The following AKAP13 variants were observed in gnomAD, a reference collection of about 807,000 sequenced individuals.
The protein encoded by AKAP13 is A-kinase anchor protein 13.
In AKAP13, 80 loss-of-function variants were observed where a neutral mutation model predicts 264.5. That is an observed-to-expected ratio of 0.30 (90% CI 0.25 to 0.36). The LOEUF (loss-of-function observed/expected upper bound fraction) is 0.36, where lower values mean the gene tolerates loss of function less well. Ranked by LOEUF, AKAP13 falls within the 10% of genes least tolerant of loss-of-function variation. The pLI, the probability that AKAP13 is intolerant of heterozygous loss-of-function variation, is 1.00. For synonymous variants in AKAP13, 1,380 were observed against 1,250.2 expected, an observed-to-expected ratio of 1.10 and a Z score of -2.19; for missense variants, 3,712 against 3,435.2, an observed-to-expected ratio of 1.08 and a Z score of -2.01.
At chr15:85,525,058 A>ATTTT (rs11419433) in intron 3 of AKAP13, among the ~76,000 whole-genome samples, 52 of 129,486 alleles carry the variant, frequency 4.0e-4, no homozygotes, top group African/African-American at 1.0e-3. Context: ...CTATCTTTAA[A>ATTTT]TTTTTTTTTT....
intron 5 of AKAP13, among the ~76,000 whole-genome samples, chr15:85,555,994 G>A (rs144510291): frequency 2.6e-5 from 4 of 152,330 alleles, no homozygotes; most frequent in African/African-American, 9.6e-5. Context: ...CAGACATCCA[G>A]TTAGTATAAT....
chr15:85,585,644 A>G (rs2079309221), intron 7 of AKAP13, 58 bp from the exon 8 acceptor site: 1 of 1,608,244 alleles, frequency 6.2e-7, no homozygotes, highest in Admixed American at 1.7e-5. Context: ...TTGTATGAAT[A>G]GTAAGGCACA....
chr15:85,550,498 A>C (rs1222077584), intron 5 of AKAP13, among the ~76,000 whole-genome samples: 1 of 152,008 alleles, frequency 6.6e-6, no homozygotes, highest in Admixed American at 6.5e-5. Flanking sequence ...GTGTAGGGTT[A>C]GGTGGTGGAG....
chr15:85,425,715 C>CAAA (rs35591622), intron 1 of AKAP13, among the ~76,000 whole-genome samples: 2 of 92,694 alleles, frequency 2.2e-5, no homozygotes, highest in Non-Finnish European at 2.1e-5. Flanking sequence ...GACTCTGTCT[C>CAAA]AAAAAAAAAA....
intron 33 of AKAP13, 70 bp from the exon 34 acceptor site, chr15:85,740,152 A>T: frequency 7.9e-6 from 12 of 1,510,396 alleles, no homozygotes; most frequent in Middle Eastern, 1.7e-4. Context: ...TATCAGGTAA[A>T]CATTAGTGTG....
rs767364233 is a variant in AKAP13, at chr15:85,726,492, C to T, written c.6822+6C>T. On this transcript the variant is annotated splice_donor_region_variant and intron_variant, in intron 27 of 36. Transcript: ENST00000394518. Reference sequence around the variant, plus strand: ...AGTACATCTTTGCATCATTGGTAAGCTGAATTGTTATTTTTGTAATAGTAT... The same window carrying T: ...AGTACATCTTTGCATCATTGGTAAGTTGAATTGTTATTTTTGTAATAGTAT... 2.0e-5 allele frequency: 32 copies of T among 1,606,116 alleles called. No homozygotes were observed. The Middle Eastern group carries it at 5.0e-4, about 25-fold the overall frequency.
At chr15:85,393,667 T>TA (rs1217993723) in intron 1 of AKAP13, among the ~76,000 whole-genome samples, 5 of 152,248 alleles carry the variant, frequency 3.3e-5, no homozygotes, top group Admixed American at 2.0e-4. Flanking sequence ...ATAAGACAGA[T>TA]ATTATTCTTT....
intron 1 of AKAP13, among the ~76,000 whole-genome samples, chr15:85,463,295 A>G (rs958980279): frequency 1.3e-5 from 2 of 152,228 alleles, no homozygotes; most frequent in Admixed American, 6.5e-5. Context: ...TGAACATTTT[A>G]TAAATTTAAT....
chr15:85,622,340 A>G (rs774250499), intron 8 of AKAP13, among the ~76,000 whole-genome samples: 8 of 152,200 alleles, frequency 5.3e-5, no homozygotes, highest in Non-Finnish European at 8.8e-5. Context: ...GACACTAGCT[A>G]TGCTAAGGAA....
chr15:85,514,240 G>T (rs2076534691), intron 2 of AKAP13, among the ~76,000 whole-genome samples: 1 of 137,150 alleles, frequency 7.3e-6, no homozygotes, highest in Admixed American at 7.3e-5. Context: ...ATACTCATAG[G>T]AACTCCCTTC....
intron 1 of AKAP13, among the ~76,000 whole-genome samples, chr15:85,428,561 C>T (rs191613119): frequency 3.9e-5 from 6 of 152,338 alleles, no homozygotes; most frequent in Admixed American, 1.3e-4. Context: ...CAAGTTTGGC[C>T]TGAAGCCTCA....
At chr15:85,432,007 T>C (rs1356170868) in intron 1 of AKAP13, among the ~76,000 whole-genome samples, 6 of 152,212 alleles carry the variant, frequency 3.9e-5, no homozygotes, top group Admixed American at 2.0e-4. Flanking sequence ...CCTAATTTCA[T>C]TGGGAGGCTG....
chr15:85,485,825 T>A, intron 2 of AKAP13, 72 bp downstream of exon 2: 2 of 1,428,506 alleles, frequency 1.4e-6, no homozygotes, highest in Non-Finnish European at 2.0e-6. Flanking sequence ...TAAGCCACAC[T>A]CTCACATGAT....
chr15:85,573,431 A>C (rs987315116), intron 5 of AKAP13, among the ~76,000 whole-genome samples: 3 of 152,142 alleles, frequency 2.0e-5, no homozygotes, highest in African/African-American at 7.2e-5. Flanking sequence ...CTGTAATCAC[A>C]GCTACTCAGG....
At chr15:85,505,383 G>A (rs373405471) in intron 2 of AKAP13, among the ~76,000 whole-genome samples, 12 of 152,158 alleles carry the variant, frequency 7.9e-5, no homozygotes, top group East Asian at 3.8e-4. Flanking sequence ...TTTGGGCTAT[G>A]ACTGGTAGTA....
chr15:85,577,177 A>C (rs757851137), intron 6 of AKAP13, among the ~76,000 whole-genome samples: 1 of 152,218 alleles, frequency 6.6e-6, no homozygotes, highest in African/African-American at 2.4e-5. Flanking sequence ...ACACTTGTAC[A>C]TATAAACTTT....
chr15:85,397,039 G>GC (rs2071153323), intron 1 of AKAP13, among the ~76,000 whole-genome samples: 1 of 55,976 alleles, frequency 1.8e-5, no homozygotes, highest in Non-Finnish European at 3.5e-5. Context: ...ATTCCCCCCC[G>GC]CCCCCCGAGG....
chr15:85,632,926 C>T (rs1198881215), intron 8 of AKAP13, among the ~76,000 whole-genome samples: 2 of 151,842 alleles, frequency 1.3e-5, no homozygotes, highest in African/African-American at 4.8e-5. Context: ...AGTGCTGTGG[C>T]GTGATCTTGG....
At chr15:85,519,038 T>C (rs2076711773) in intron 2 of AKAP13, among the ~76,000 whole-genome samples, 1 of 152,070 alleles carries the variant, frequency 6.6e-6, no homozygotes, top group Non-Finnish European at 1.5e-5. Flanking sequence ...AGGACAAAAT[T>C]CTTGATCTGG....
Sources: allele counts gnomAD v4.1 joint callset (sites outside exome capture counted in the v4.1 genomes callset), GRCh38; gene constraint gnomAD v4.1.1; transcripts MANE v1.5; gene names NCBI Gene and HGNC (gene_info 2026-07-23, HGNC 2026-07-21).